The following EXOC4 variants were observed in gnomAD, a reference collection of about 807,000 sequenced individuals.
EXOC4 encodes exocyst complex component 4.
EXOC4 carries 71 observed loss-of-function variants against 107.2 expected under a neutral mutation model. The ratio of observed to expected loss-of-function variants is 0.66; its 90% CI spans 0.55 to 0.81. EXOC4 has a LOEUF of 0.81. Ranked by LOEUF, EXOC4 falls within the 30% of genes least tolerant of loss-of-function variation. The probability of loss-of-function intolerance (pLI) is 0.00; values close to 1 mark genes in which losing one functional copy is unlikely to be tolerated. For missense variants in EXOC4, 1,108 were observed against 1,189.6 expected, an observed-to-expected ratio of 0.93 and a Z score of 1.01; for synonymous variants, 456 against 441.2, an observed-to-expected ratio of 1.03 and a Z score of -0.42.
At chr7:133,475,010 A>T (rs182230079) in intron 7 of EXOC4, among the ~76,000 whole-genome samples, 1 of 152,188 alleles carries the variant, frequency 6.6e-6, no homozygotes, top group Admixed American at 6.5e-5. Flanking sequence ...ATGAGGATTA[A>T]ATTGTGATTA....
intron 10 of EXOC4, among the ~76,000 whole-genome samples, chr7:133,657,779 C>A (rs1323444534): frequency 6.6e-6 from 1 of 152,180 alleles, no homozygotes; most frequent in Non-Finnish European, 1.5e-5. Context: ...TTGGCTCTGC[C>A]ATGAACCTAC....
At chr7:133,769,404 T>G (rs1004783010) in intron 10 of EXOC4, among the ~76,000 whole-genome samples, 4 of 151,904 alleles carry the variant, frequency 2.6e-5, no homozygotes, top group Admixed American at 6.6e-5. Context: ...GAAAGTTTCA[T>G]TCCCAATTAA....
At chr7:133,910,739 C>T (rs971753441) in intron 12 of EXOC4, among the ~76,000 whole-genome samples, 7 of 152,158 alleles carry the variant, frequency 4.6e-5, no homozygotes, top group Non-Finnish European at 8.8e-5. Flanking sequence ...AATTGGACGA[C>T]GGCACTTTAC....
Position 133,294,631 on chromosome 7 carries a change from T to C in EXOC4, c.471+5515T>C, listed in dbSNP as rs74827597. On this transcript the variant is annotated intron_variant, in intron 3 of 17. Coordinates refer to ENST00000253861, the MANE Select transcript of EXOC4 (RefSeq NM_021807.4). ...ACAACTTATATTTATATATCTGCCT[T>C]CTTCCCAGAGGATCCCAGAGTGCTT... is the stretch of plus-strand genomic sequence containing the variant. Among the ~76,000 whole-genome samples, 889 of 152,280 alleles carry C rather than the reference T, an allele frequency of 5.8e-3. 9 individuals are homozygous for C. The highest frequency in any genetic ancestry group is 0.02 in the African/African-American group (826 of 41,566).
intron 14 of EXOC4, among the ~76,000 whole-genome samples, chr7:133,980,288 G>A (rs1793948978): frequency 1.3e-5 from 2 of 152,224 alleles, no homozygotes; most frequent in African/African-American, 4.8e-5. Context: ...TTTTCGAGGA[G>A]TGAGAGGATG....
chr7:133,734,916 C>T (rs1329416722), intron 10 of EXOC4, among the ~76,000 whole-genome samples: 7 of 151,172 alleles, frequency 4.6e-5, no homozygotes, highest in Non-Finnish European at 1.0e-4. Context: ...GTCTGTATAT[C>T]GTAAATGTTA....
rs191027415 is a variant in EXOC4, at chr7:133,570,582, A to G, written c.1418-59463A>G. The stretch of plus-strand genomic sequence containing the variant: ...ATATGAGCCCAAGAATCTCAGATGC[A>G]GATGGCTCTTGTGGCAGGCACACTT... On this transcript the variant is annotated intron_variant, in intron 9 of 17. Transcript: ENST00000253861. Among the ~76,000 whole-genome samples, 331 of 152,338 alleles carry G rather than the reference A, an allele frequency of 2.2e-3. 1 individual carries two copies. The highest frequency in any genetic ancestry group is 1.5e-3 in the Non-Finnish European group (105 of 68,020).
At chr7:133,838,487 T>G (rs899772322) in intron 11 of EXOC4, among the ~76,000 whole-genome samples, 2 of 152,180 alleles carry the variant, frequency 1.3e-5, no homozygotes, top group Non-Finnish European at 2.9e-5. Context: ...AATAAAATAT[T>G]GTGAGTCTAG....
chr7:133,642,252 A>C (rs1802875214), intron 10 of EXOC4, among the ~76,000 whole-genome samples: 1 of 152,120 alleles, frequency 6.6e-6, no homozygotes, highest in African/African-American at 2.4e-5. Flanking sequence ...TAATGAGGGT[A>C]TTGTGGTAAT....
At chr7:133,673,104 G>T (rs2151059669) in intron 10 of EXOC4, among the ~76,000 whole-genome samples, 1 of 152,284 alleles carries the variant, frequency 6.6e-6, no homozygotes, top group Admixed American at 6.5e-5. Context: ...TATTTTAGAG[G>T]AGCTGGATTG....
intron 9 of EXOC4, among the ~76,000 whole-genome samples, chr7:133,621,992 A>G (rs746928734): frequency 3.2e-4 from 49 of 152,060 alleles, no homozygotes; most frequent in Admixed American, 1.4e-3. Flanking sequence ...TCCATCCAAT[A>G]AAGATAGGGT....
At chr7:133,375,067 C>A in intron 7 of EXOC4, 65 bp downstream of exon 7, 1 of 1,361,374 alleles carries the variant, frequency 7.3e-7, no homozygotes, top group South Asian at 1.3e-5. Flanking sequence ...ACAACAACAA[C>A]AGCAACAACA....
intron 11 of EXOC4, among the ~76,000 whole-genome samples, chr7:133,836,069 T>C (rs1797911611): frequency 6.6e-6 from 1 of 152,212 alleles, no homozygotes; most frequent in African/African-American, 2.4e-5. Flanking sequence ...TCTGGACATG[T>C]AGGCACAGGC....
intron 5 of EXOC4, among the ~76,000 whole-genome samples, chr7:133,320,319 G>A (rs1222780303): frequency 6.6e-6 from 1 of 152,186 alleles, no homozygotes; most frequent in African/African-American, 2.4e-5. Context: ...CCTTTTTGGA[G>A]GCTCTAGGGG....
the EXOC4 span, among the ~76,000 whole-genome samples, chr7:134,081,543 C>T: frequency 6.6e-6 from 1 of 152,076 alleles, no homozygotes; most frequent in African/African-American, 2.4e-5. Context: ...ATCTTTTGTT[C>T]TCTGTAGCCC....
intron 7 of EXOC4, among the ~76,000 whole-genome samples, chr7:133,397,344 G>A (rs1395950590): frequency 6.6e-6 from 1 of 150,642 alleles, no homozygotes; most frequent in Non-Finnish European, 1.5e-5. Flanking sequence ...ATGTTGGTCA[G>A]GGTGGTCTCG....
chr7:133,900,161 G>C (rs1194756795), intron 12 of EXOC4, among the ~76,000 whole-genome samples: 1 of 152,172 alleles, frequency 6.6e-6, no homozygotes, highest in African/African-American at 2.4e-5. Context: ...GTGAGGGTGT[G>C]TGGGGATAAA....
At chr7:133,253,266 G>T in intron 1 of EXOC4, 79 bp downstream of exon 1, 1 of 1,542,798 alleles carries the variant, frequency 6.5e-7, no homozygotes, top group East Asian at 2.3e-5. Context: ...AGGGTTAGCT[G>T]GGTCCCACCC....
intron 7 of EXOC4, among the ~76,000 whole-genome samples, chr7:133,464,811 G>GTTTTTTTTTTTTTTT (rs3046149): frequency 7.8e-5 from 4 of 51,296 alleles, no homozygotes; most frequent in African/African-American, 1.7e-4. Context: ...GGTTGGGTTG[G>GTTTTTTTTTTTTTTT]TTTTTTTTTT....
Sources: gnomAD v4.1 joint callset for allele counts (sites outside exome capture counted in the v4.1 genomes callset) on GRCh38, gnomAD v4.1.1 for gene constraint, MANE v1.5 for transcripts, NCBI Gene and HGNC (gene_info 2026-07-23, HGNC 2026-07-21) for gene names.